Variants in COL5A1 observed in about 807,000 individuals in gnomAD.
The protein encoded by COL5A1 is collagen type V alpha 1 chain, also known as collagen alpha-1(V) chain.
COL5A1 carries 16 observed loss-of-function variants against 263.7 expected under a neutral mutation model. That is an observed-to-expected ratio of 0.06 (90% CI 0.04 to 0.09). The LOEUF (loss-of-function observed/expected upper bound fraction) is 0.09. Among genes scored for constraint, COL5A1 ranks in the 10% least tolerant of loss-of-function variants. COL5A1 has a pLI of 1.00. For missense variants in COL5A1, 2,036 were observed against 2,540.5 expected (o/e 0.80, Z 4.27); for synonymous variants, 1,012 against 1,004.5 (o/e 1.01, Z -0.14).
intron 19 of COL5A1, 115 bp from the exon 20 acceptor site, chr9:134,763,578 A>G: frequency 9.5e-7 from 1 of 1,053,134 alleles, no homozygotes; most frequent in East Asian, 2.4e-5. Context: ...GAGCTGGTAA[A>G]CCTGGCGTAT....
chr9:134,642,223 G>A lies in COL5A1; in HGVS notation c.36G>A (p.Ala12=), dbSNP rs1029930975. 22 of 1,299,090 alleles carry A rather than the reference G, an allele frequency of 1.7e-5. No individual in the cohort carries two copies. The highest frequency in any genetic ancestry group is 2.1e-5 in the Non-Finnish European group (21 of 1,020,376). 80.5% of individuals were successfully genotyped at this position (1,299,090 alleles called of 1,614,324 possible). A position where few individuals can be genotyped will look rare whatever the true frequency, so the allele number is the denominator to read the frequency against. Residue 12 remains alanine (A), a synonymous_variant, in exon 1 of 66, where the codon GCG becomes GCA. Transcript: ENST00000371817. The surrounding 1 kb of genome is among the most constrained non-coding windows in gnomAD (Gnocchi z 4.5). ...ATACCCGCTGGAAAGCGCGCAGCGC[G>A]CTCCGCCCGGGCGCCCCGCTGCTGC... The part of the protein sequence containing the change: ...DVHTRWKARS[A]LRPGAPLLPP...
intron 60 of COL5A1, 112 bp from the exon 61 acceptor site, chr9:134,823,302 TGA>T: frequency 2.5e-6 from 3 of 1,193,762 alleles, no homozygotes; most frequent in Non-Finnish European, 3.8e-6. Flanking sequence ...CTGCTGTGGC[TGA>T]TAGGGCCACC....
At chr9:134,830,428 T>G (rs1839563765) in intron 64 of COL5A1, 6 of 573,674 alleles carry the variant, frequency 1.0e-5, no homozygotes, top group Middle Eastern at 4.7e-4. Context: ...CAGAGCTGGG[T>G]GTGGGCCCCA....
In COL5A1 at chr9:134,841,501, G is replaced by A. The variant is rs1350393666; in HGVS notation, c.5371-656G>A. Among the ~76,000 whole-genome samples, 3 of 152,146 alleles carry A rather than the reference G, an allele frequency of 2.0e-5. No homozygotes were observed. Among genetic ancestry groups the A allele is most frequent in the Non-Finnish European group, 4.4e-5 (3 of 68,020 alleles). ...GGGATGGGTGCTGACTCATCCTGCA[G>A]GCCAGGTTCATTGCACTACCCCTGC... is the stretch of plus-strand genomic sequence containing the variant. On this transcript the variant is annotated intron_variant, in intron 65 of 65. Transcript: ENST00000371817. The surrounding 1 kb of genome is among the most constrained non-coding windows in gnomAD (Gnocchi z 4.8).
In COL5A1 at chr9:134,700,221, CA is replaced by C; in HGVS notation, c.491+100del. On this transcript the variant is annotated intron_variant, in intron 3 of 65. Coordinates refer to ENST00000371817, the MANE Select transcript of COL5A1 (RefSeq NM_000093.5). This position sits in a 1 kb window ranked among gnomAD's most constrained non-coding sequence, Gnocchi z 4.0. ...GTGGGGCACAGTAGAGGACGTGCAGCAGCCGGTACTGAGACTCCCACAGACG... is the reference window on the plus strand; with the variant it reads ...GTGGGGCACAGTAGAGGACGTGCAGCGCCGGTACTGAGACTCCCACAGACG... 1 of 1,167,588 alleles carries C rather than the reference CA, an allele frequency of 8.6e-7. No homozygotes were observed. The allele number at this position is 1,167,588 out of a possible 1,614,324, so 72.3% of individuals were successfully genotyped here.
chr9:134,713,682 G>A (rs1834148870), intron 4 of COL5A1, among the ~76,000 whole-genome samples: 1 of 152,238 alleles, frequency 6.6e-6, no homozygotes, highest in African/African-American at 2.4e-5. Context: ...GTTTGTGGGT[G>A]TCAAACCCAT....
chr9:134,813,018 CA>C (rs1367601900), intron 48 of COL5A1, among the ~76,000 whole-genome samples: 2 of 152,148 alleles, frequency 1.3e-5, no homozygotes, highest in Admixed American at 1.3e-4. Context: ...GCCCCACCAG[CA>C]AAGCCCCTGC....
chr9:134,768,362 G>T (rs1476242781), intron 24 of COL5A1, 48 bp from the exon 25 acceptor site: 2 of 1,542,262 alleles, frequency 1.3e-6, no homozygotes, highest in East Asian at 2.2e-5. Flanking sequence ...GAGAGGTCAG[G>T]TGAGCCTAGG....
At chr9:134,656,755 G>C (rs773352538) in intron 1 of COL5A1, among the ~76,000 whole-genome samples, 1 of 151,544 alleles carries the variant, frequency 6.6e-6, no homozygotes, top group Non-Finnish European at 1.5e-5. Context: ...GGCAGTAATT[G>C]TAACTTTTAT....
intron 9 of COL5A1, chr9:134,732,585 G>T: frequency 4.0e-6 from 1 of 250,194 alleles, no homozygotes; most frequent in Non-Finnish European, 7.8e-6. Context: ...ACCGTTTGGA[G>T]TAAGTTTACA....
chr9:134,784,865 G>A (rs1837394900), intron 29 of COL5A1, 124 bp from the exon 30 acceptor site: 2 of 776,486 alleles, frequency 2.6e-6, no homozygotes, highest in South Asian at 1.5e-5. Context: ...GGCCGAGCTG[G>A]TGGAGCAGCT....
Position 134,688,552 on chromosome 9 carries a change from G to A in COL5A1, c.110-2360G>A, listed in dbSNP as rs150605317. ...AAGCCTTCTTTGCTGGGGCCAGGTG[G>A]GAGGTGCCATACATGCCCGAGGGGG... On this transcript the variant is annotated intron_variant, in intron 1 of 65. Transcript: ENST00000371817. Among the ~76,000 whole-genome samples, 1,181 of 152,310 alleles carry A rather than the reference G, an allele frequency of 7.8e-3. 17 individuals carry two copies. Among genetic ancestry groups the A allele is most frequent in the African/African-American group, 0.026 (1,084 of 41,560 alleles).
In COL5A1 at chr9:134,700,742, C is replaced by G. The variant is rs1369843021; in HGVS notation, c.492-429C>G. The stretch of plus-strand genomic sequence containing the variant: ...CTGCCTGCAGTTTGCCATCGGGGTT[C>G]AGAGGGCACGTGACAAGTGCTCGCA... On this transcript the variant is annotated intron_variant, in intron 3 of 65. Transcript: ENST00000371817. The surrounding 1 kb of genome is among the most constrained non-coding windows in gnomAD (Gnocchi z 4.0). Among the ~76,000 whole-genome samples, 1 of 152,232 alleles carries G rather than the reference C, an allele frequency of 6.6e-6. No individual in the cohort carries two copies. Among genetic ancestry groups the G allele is most frequent in the East Asian group, 1.9e-4 (1 of 5,192 alleles).
At chr9:134,745,765 C>T (rs936191540) in intron 11 of COL5A1, among the ~76,000 whole-genome samples, 1 of 152,196 alleles carries the variant, frequency 6.6e-6, no homozygotes, top group African/African-American at 2.4e-5. Context: ...AATGTCTTCT[C>T]TCTTAGTTCT....
intron 8 of COL5A1, 112 bp downstream of exon 8, chr9:134,731,775 G>A (rs1834892347): frequency 2.3e-5 from 28 of 1,205,968 alleles, no homozygotes; most frequent in Non-Finnish European, 2.5e-5. Context: ...CAGCTCAAGT[G>A]TTACACCCTA....
At chr9:134,756,675 G>A (rs1399040979) in intron 16 of COL5A1, 90 bp from the exon 17 acceptor site, 15 of 1,407,294 alleles carry the variant, frequency 1.1e-5, no homozygotes, top group Middle Eastern at 1.8e-4. Context: ...CTGGTGGAAC[G>A]CTCAACTTGG....
chr9:134,825,666 G>A (rs1423755198), intron 62 of COL5A1, 126 bp from the exon 63 acceptor site: 10 of 665,738 alleles, frequency 1.5e-5, no homozygotes, highest in Non-Finnish European at 2.8e-5. Flanking sequence ...AGAAAGGCCC[G>A]TGTTGGCGGC....
intron 22 of COL5A1, 36 bp downstream of exon 22, chr9:134,766,534 G>C (rs754488940): frequency 6.2e-7 from 1 of 1,607,924 alleles, no homozygotes; most frequent in Non-Finnish European, 8.5e-7. Context: ...GGCTTCAGGG[G>C]CACTTTCCCT....
In COL5A1 at chr9:134,821,471, G is replaced by T. The variant is rs538717574; in HGVS notation, c.4555-626G>T. Among the ~76,000 whole-genome samples, 2 of 152,216 alleles carry T rather than the reference G, an allele frequency of 1.3e-5. No homozygotes were observed. The highest frequency in any genetic ancestry group is 2.9e-5 in the Non-Finnish European group (2 of 68,046). On this transcript the variant is annotated intron_variant, in intron 58 of 65. Transcript: ENST00000371817. This position sits in a 1 kb window ranked among gnomAD's most constrained non-coding sequence, Gnocchi z 4.2. ...AGCTTCTGCCCGGAGAGAGCTCTGA[G>T]TGGAATCCAGGGCTGTAGGGAGAGA...
Sources: gnomAD v4.1 joint callset for allele counts (sites outside exome capture counted in the v4.1 genomes callset) on GRCh38, gnomAD v4.1.1 for gene constraint, Gnocchi (gnomAD v3.1) non-coding constraint, MANE v1.5 for transcripts, NCBI Gene and HGNC (gene_info 2026-07-23, HGNC 2026-07-21) for gene names.